The following LRBA variants were observed in gnomAD, a reference collection of about 807,000 sequenced individuals.
The protein encoded by LRBA is lipopolysaccharide-responsive and beige-like anchor protein.
LRBA carries 176 observed loss-of-function variants against 330.0 expected under a neutral mutation model. The ratio of observed to expected loss-of-function variants is 0.53; its 90% CI spans 0.47 to 0.60. LRBA has a LOEUF of 0.60. Among genes scored for constraint, LRBA ranks in the 20% least tolerant of loss-of-function variants. The pLI, the probability that LRBA is intolerant of heterozygous loss-of-function variation, is 0.00. For synonymous variants in LRBA, 1,230 were observed against 1,193.0 expected (o/e 1.03, Z -0.64); for missense variants, 3,259 against 3,444.8 (o/e 0.95, Z 1.35).
rs1560945072 is a variant in LRBA at position 150,872,751 on chromosome 4, T to TAAC, written c.2167_2169dup (p.Val723dup). The TAAC allele has an allele frequency of 6.4e-7, 1 of 1,551,526 alleles. No homozygotes were observed. Among genetic ancestry groups the TAAC allele is most frequent in the Non-Finnish European group, 8.8e-7 (1 of 1,131,810 alleles). ...CTTTTCGATGCCAGAAGTTTGTAGATAACACTGAATGAATAAAAATTTAAA... is the reference window on the plus strand; with the variant it reads ...CTTTTCGATGCCAGAAGTTTGTAGATAACAACACTGAATGAATAAAAATTTAAA... On this transcript the variant is annotated inframe_insertion, in exon 18 of 57. Coordinates refer to ENST00000651943, the MANE Select transcript of LRBA (RefSeq NM_001364905.1).
intron 42 of LRBA, among the ~76,000 whole-genome samples, chr4:150,479,237 C>T (rs1757041536): frequency 1.3e-5 from 2 of 152,036 alleles, no homozygotes; most frequent in Non-Finnish European, 2.9e-5. Context: ...TACCACTGCA[C>T]TCCAGCACTC....
At chr4:150,298,837 A>G (rs971576005) in intron 53 of LRBA, among the ~76,000 whole-genome samples, 2 of 152,088 alleles carry the variant, frequency 1.3e-5, no homozygotes, top group Non-Finnish European at 2.9e-5. Flanking sequence ...TACACACACA[A>G]ATCTGTGCAA....
chr4:150,434,150 G>T (rs140274443), intron 46 of LRBA, among the ~76,000 whole-genome samples: 2,405 of 151,960 alleles, frequency 0.016, 135 homozygotes, highest in Admixed American at 0.059. Context: ...CTCCCATATG[G>T]TATAATTATT....
chr4:150,859,840 T>C (rs2126952170), intron 22 of LRBA, among the ~76,000 whole-genome samples: 1 of 152,348 alleles, frequency 6.6e-6, no homozygotes, highest in South Asian at 2.1e-4. Context: ...AAATTTGGGA[T>C]ATTGAGATTC....
intron 47 of LRBA, among the ~76,000 whole-genome samples, chr4:150,400,369 G>A (rs1266487131): frequency 1.3e-5 from 2 of 152,122 alleles, no homozygotes; most frequent in Non-Finnish European, 2.9e-5. Flanking sequence ...ATGTACAAGT[G>A]ATCTGCTGCT....
intron 40 of LRBA, among the ~76,000 whole-genome samples, chr4:150,531,850 T>C (rs977196613): frequency 2.6e-5 from 4 of 152,182 alleles, no homozygotes; most frequent in South Asian, 2.1e-4. Flanking sequence ...ACACAGGACA[T>C]GGAATCAAAA....
At chr4:150,344,783 TG>T (rs1424068624) in intron 48 of LRBA, among the ~76,000 whole-genome samples, 1 of 152,184 alleles carries the variant, frequency 6.6e-6, no homozygotes, top group East Asian at 1.9e-4. Flanking sequence ...ACTCCCAGCC[TG>T]AAGCCATTCT....
chr4:150,359,979 C>CAA (rs35055089), intron 47 of LRBA, among the ~76,000 whole-genome samples: 58 of 146,136 alleles, frequency 4.0e-4, no homozygotes, highest in Middle Eastern at 3.5e-3. Flanking sequence ...GACTCCGTCT[C>CAA]AAAAAAAAAA....
At chr4:150,470,538 C>G (rs2152066531) in intron 43 of LRBA, among the ~76,000 whole-genome samples, 1 of 152,174 alleles carries the variant, frequency 6.6e-6, no homozygotes, top group South Asian at 2.1e-4. Flanking sequence ...GTTCTAAGTT[C>G]CGAATATCCT....
chr4:150,320,363 G>A (rs1384592806), intron 50 of LRBA, among the ~76,000 whole-genome samples: 1 of 152,110 alleles, frequency 6.6e-6, no homozygotes, highest in East Asian at 1.9e-4. Context: ...AGCATTTAAT[G>A]GAAGAACAGA....
intron 34 of LRBA, among the ~76,000 whole-genome samples, chr4:150,791,750 C>T (rs1230945946): frequency 6.6e-6 from 1 of 152,044 alleles, no homozygotes; most frequent in South Asian, 2.1e-4. Flanking sequence ...AAGGCTTGGC[C>T]GGGCGCGGTG....
chr4:150,696,649 G>C (rs1028766147), intron 36 of LRBA, among the ~76,000 whole-genome samples: 1 of 152,102 alleles, frequency 6.6e-6, no homozygotes, highest in Non-Finnish European at 1.5e-5. Flanking sequence ...TAAACTATGA[G>C]ATAACTGCTC....
chr4:150,639,473 C>G (rs963335648), intron 37 of LRBA, among the ~76,000 whole-genome samples: 1 of 147,310 alleles, frequency 6.8e-6, no homozygotes, highest in Non-Finnish European at 1.5e-5. Flanking sequence ...CTACCCCACC[C>G]GTGGTACTCA....
chr4:150,825,538 T>C (rs561866334), intron 30 of LRBA, among the ~76,000 whole-genome samples: 5 of 152,150 alleles, frequency 3.3e-5, no homozygotes, highest in Non-Finnish European at 7.3e-5. Context: ...AGATAATTTT[T>C]TTGTATTTTT....
In LRBA at chr4:150,909,731, C is replaced by T. The variant is rs369198860; in HGVS notation, c.1162-874G>A. Among the ~76,000 whole-genome samples the T allele has an allele frequency of 3.9e-5, 6 of 151,956 alleles. No individual in the cohort carries two copies. The East Asian group carries it at 1.2e-3, about 29-fold the overall frequency. ...GTTCTATTTTTAATTTTTTGAGGAA[C>T]CTCATATTGTTGTCCATAGCAGCTG... On this transcript the variant is annotated intron_variant, in intron 9 of 56. Coordinates refer to ENST00000651943, the MANE Select transcript of LRBA (RefSeq NM_001364905.1).
At chr4:150,568,506 C>T (rs183926067) in intron 40 of LRBA, among the ~76,000 whole-genome samples, 6 of 152,058 alleles carry the variant, frequency 3.9e-5, no homozygotes, top group Non-Finnish European at 5.9e-5. Flanking sequence ...GCAGGCAGCA[C>T]GTAAGTGGTG....
chr4:150,488,125 T>C (rs1407956266), intron 41 of LRBA, among the ~76,000 whole-genome samples: 1 of 151,564 alleles, frequency 6.6e-6, no homozygotes, highest in East Asian at 1.9e-4. Context: ...TGAGACATGA[T>C]AATAATAATG....
In LRBA at chr4:150,737,136, T is replaced by C. The variant is rs574057335; in HGVS notation, c.5646-1770A>G. ...AGGAGCCTGAGGCAGAAGCATCACTTGAGTCAATGAGTTTCAAGTTATAGT... is the reference window on the plus strand; with the variant it reads ...AGGAGCCTGAGGCAGAAGCATCACTCGAGTCAATGAGTTTCAAGTTATAGT... On this transcript the variant is annotated intron_variant, in intron 35 of 56. Coordinates refer to ENST00000651943, the MANE Select transcript of LRBA (RefSeq NM_001364905.1). 1.4e-3 allele frequency among the ~76,000 whole-genome samples: 216 copies of C among 152,180 alleles called. 1 individual carries two copies. The highest frequency in any genetic ancestry group is 5.0e-3 in the African/African-American group (206 of 41,508).
Position 150,868,312 on chromosome 4 carries a change from G to A in LRBA, c.2450-7C>T, listed in dbSNP as rs928110199. ...GCAATTACTTTTAGTATCTCTGTAA[G>A]ACAGTTTATAAATAAGTAAAAACCA... On this transcript the variant is annotated splice_region_variant and splice_polypyrimidine_tract_variant and intron_variant, in intron 20 of 56. Coordinates refer to ENST00000651943, the MANE Select transcript of LRBA (RefSeq NM_001364905.1). The A allele has an allele frequency of 1.3e-6, 2 of 1,584,936 alleles. No homozygotes were observed. Among genetic ancestry groups the A allele is most frequent in the Non-Finnish European group, 1.7e-6 (2 of 1,165,692 alleles).
Sources: allele counts gnomAD v4.1 joint callset (sites outside exome capture counted in the v4.1 genomes callset), GRCh38; gene constraint gnomAD v4.1.1; transcripts MANE v1.5; gene names NCBI Gene and HGNC (gene_info 2026-07-23, HGNC 2026-07-21).